The following LRMDA variants were observed in gnomAD, a reference collection of about 807,000 sequenced individuals.
The protein encoded by LRMDA is leucine rich melanocyte differentiation associated, also known as leucine-rich melanocyte differentiation-associated protein.
In LRMDA, 18 loss-of-function variants were observed where a neutral mutation model predicts 29.8. That is an observed-to-expected ratio of 0.60 (90% CI 0.42 to 0.90). The LOEUF is 0.90. Among genes scored for constraint, LRMDA ranks in the 40% least tolerant of loss-of-function variants. The pLI is 0.00. For synonymous variants in LRMDA, 125 were observed against 109.4 expected (o/e 1.14, Z -0.89); for missense variants, 273 against 273.9 (o/e 1.00, Z 0.02).
intron 2 of LRMDA, among the ~76,000 whole-genome samples, chr10:75,900,838 C>T (rs534285867): frequency 6.6e-6 from 1 of 152,190 alleles, no homozygotes; most frequent in Non-Finnish European, 1.5e-5. Context: ...ATCTTATGCC[C>T]TTATGGATCA....
chr10:75,595,343 G>A (rs1487116204), intron 2 of LRMDA, among the ~76,000 whole-genome samples: 1 of 152,004 alleles, frequency 6.6e-6, no homozygotes, highest in Non-Finnish European at 1.5e-5. Context: ...GTTACCAGGT[G>A]GATCTCAGCT....
chr10:76,289,887 C>T (rs939410158), intron 5 of LRMDA, among the ~76,000 whole-genome samples: 3 of 152,250 alleles, frequency 2.0e-5, no homozygotes, highest in African/African-American at 4.8e-5. Context: ...CGAAGAACCA[C>T]GATCATCTAG....
chr10:76,483,323 C>G (rs1022997163), intron 6 of LRMDA, among the ~76,000 whole-genome samples: 2 of 151,900 alleles, frequency 1.3e-5, no homozygotes, highest in Admixed American at 1.3e-4. Context: ...AGTATACAGA[C>G]AATGACACTC....
intron 5 of LRMDA, among the ~76,000 whole-genome samples, chr10:76,216,031 C>G (rs1851722379): frequency 6.6e-6 from 1 of 152,146 alleles, no homozygotes; most frequent in Non-Finnish European, 1.5e-5. Flanking sequence ...AATGAAGAAA[C>G]TTGCTCATCA....
At chr10:76,308,984 C>A (rs1183881940) in intron 5 of LRMDA, among the ~76,000 whole-genome samples, 1 of 151,634 alleles carries the variant, frequency 6.6e-6, no homozygotes, top group Admixed American at 6.6e-5. Context: ...CAGGCCAGTC[C>A]CTAATCCTCA....
chr10:75,612,289 T>C (rs1189991703), intron 2 of LRMDA, among the ~76,000 whole-genome samples: 1 of 152,214 alleles, frequency 6.6e-6, no homozygotes, highest in East Asian at 1.9e-4. Flanking sequence ...TGCTGGGCCC[T>C]TTAGCCTACC....
chr10:76,063,633 T>C (rs1848738538), intron 5 of LRMDA, among the ~76,000 whole-genome samples: 1 of 152,098 alleles, frequency 6.6e-6, no homozygotes, highest in Non-Finnish European at 1.5e-5. Flanking sequence ...AGATGCCCTG[T>C]GTTGAAGAAA....
At chr10:76,544,768 G>A (rs1843399919) in intron 6 of LRMDA, among the ~76,000 whole-genome samples, 1 of 150,228 alleles carries the variant, frequency 6.7e-6, no homozygotes. Context: ...TTTTCCCAAA[G>A]CAGGTTAGAG....
intron 2 of LRMDA, among the ~76,000 whole-genome samples, chr10:75,834,189 GGTATCCAAT>G (rs1844394068): frequency 6.6e-6 from 1 of 152,060 alleles, no homozygotes; most frequent in South Asian, 2.1e-4. Flanking sequence ...AAAAACTTAT[GGTATCCAAT>G]GTATGTCATG....
chr10:76,446,411 A>G (rs1842354483), intron 6 of LRMDA, among the ~76,000 whole-genome samples: 1 of 152,172 alleles, frequency 6.6e-6, no homozygotes, highest in Non-Finnish European at 1.5e-5. Context: ...ATATTTGAAA[A>G]ATAATTGTGT....
At chr10:76,432,085 A>G (rs1172860406) in intron 6 of LRMDA, among the ~76,000 whole-genome samples, 3 of 152,212 alleles carry the variant, frequency 2.0e-5, no homozygotes, top group Non-Finnish European at 4.4e-5. Context: ...TAGCAAGTGT[A>G]CTGGTGCTTA....
intron 2 of LRMDA, among the ~76,000 whole-genome samples, chr10:75,659,291 A>G (rs898963062): frequency 6.6e-6 from 1 of 151,318 alleles, no homozygotes; most frequent in African/African-American, 2.4e-5. Flanking sequence ...TTTGCTTAAA[A>G]CCCAGCTTTC....
intron 6 of LRMDA, among the ~76,000 whole-genome samples, chr10:76,330,238 GA>G (rs774281356): frequency 2.0e-5 from 3 of 152,140 alleles, no homozygotes; most frequent in Non-Finnish European, 2.9e-5. Flanking sequence ...AAGAGGATAA[GA>G]AATTTACTTA....
intron 6 of LRMDA, among the ~76,000 whole-genome samples, chr10:76,354,277 A>C (rs1039126434): frequency 2.6e-5 from 4 of 152,182 alleles, no homozygotes; most frequent in African/African-American, 9.6e-5. Flanking sequence ...ACATTGTGAT[A>C]TGGAGGCTGA....
intron 2 of LRMDA, among the ~76,000 whole-genome samples, chr10:76,018,567 G>GTT (rs765340066): frequency 0.072 from 9,513 of 131,804 alleles, 566 homozygotes; most frequent in East Asian, 0.2. Context: ...GGCTTCTGAA[G>GTT]TTTTTTTTTT....
rs568656869 is a variant in LRMDA at position 76,478,005 on chromosome 10, G to T, written c.602-79204G>T. 3.7e-3 allele frequency among the ~76,000 whole-genome samples: 562 copies of T among 152,268 alleles called. 1 individual carries two copies. The highest frequency in any genetic ancestry group is 6.1e-3 in the Non-Finnish European group (418 of 68,012). ...ACATAGGCACGGGCAAGGACTTCAT[G>T]TCTAAAACACCAAAAGCAATGGCAA... On this transcript the variant is annotated intron_variant, in intron 6 of 6. Transcript: ENST00000611255.
intron 2 of LRMDA, among the ~76,000 whole-genome samples, chr10:75,968,083 G>A (rs566683419): frequency 2.1e-3 from 317 of 152,164 alleles, no homozygotes; most frequent in African/African-American, 7.4e-3. Context: ...TGGTGAGGGA[G>A]GGGGCTTGTT....
chr10:76,364,597 G>A (rs1384905180), intron 6 of LRMDA, among the ~76,000 whole-genome samples: 1 of 151,950 alleles, frequency 6.6e-6, no homozygotes, highest in Non-Finnish European at 1.5e-5. Context: ...GAGGGGCATG[G>A]GAAGAGGGAA....
chr10:76,401,178 A>G (rs893472517), intron 6 of LRMDA, among the ~76,000 whole-genome samples: 2 of 152,112 alleles, frequency 1.3e-5, no homozygotes, highest in Non-Finnish European at 2.9e-5. Context: ...AATGGATGGT[A>G]TGCTCTCAGT....
Sources: allele counts gnomAD v4.1 joint callset (sites outside exome capture counted in the v4.1 genomes callset), GRCh38; gene constraint gnomAD v4.1.1; transcripts MANE v1.5; gene names NCBI Gene and HGNC (gene_info 2026-07-23, HGNC 2026-07-21).